Variants in MAN2A1 observed in about 807,000 individuals in gnomAD.
The protein encoded by MAN2A1 is mannosidase alpha class 2A member 1.
MAN2A1 carries 76 observed loss-of-function variants against 142.6 expected under a neutral mutation model. The ratio of observed to expected loss-of-function variants is 0.53; its 90% confidence interval spans 0.44 to 0.65. MAN2A1 has a LOEUF of 0.65. Ranked by LOEUF, MAN2A1 falls within the 30% of genes least tolerant of loss-of-function variation. The pLI is 0.00. For synonymous variants in MAN2A1, 559 were observed against 473.2 expected, an observed-to-expected ratio of 1.18 and a Z score of -2.35; for missense variants, 1,311 against 1,365.1, an observed-to-expected ratio of 0.96 and a Z score of 0.62.
intron 20 of MAN2A1, among the ~76,000 whole-genome samples, chr5:109,859,603 T>C (rs979347266): frequency 6.6e-6 from 1 of 152,198 alleles, no homozygotes; most frequent in Admixed American, 6.5e-5. Flanking sequence ...GAAGCTTCTG[T>C]AAAGGTTTGA....
chr5:109,749,224 G>T (rs190346122), intron 4 of MAN2A1, among the ~76,000 whole-genome samples: 1 of 152,120 alleles, frequency 6.6e-6, no homozygotes, highest in Non-Finnish European at 1.5e-5. Context: ...AGCTCTTTGA[G>T]TGTGTCCTTC....
chr5:109,852,431 G>A (rs901168840), intron 19 of MAN2A1, among the ~76,000 whole-genome samples: 3 of 152,042 alleles, frequency 2.0e-5, no homozygotes, highest in Admixed American at 6.6e-5. Flanking sequence ...ATAAACAAGG[G>A]TAACTTAAAA....
At chr5:109,857,233 C>T (rs1163176349) in intron 20 of MAN2A1, among the ~76,000 whole-genome samples, 1 of 152,148 alleles carries the variant, frequency 6.6e-6, no homozygotes, top group Non-Finnish European at 1.5e-5. Flanking sequence ...GCTATATCCC[C>T]GTGAAGAAGA....
intron 12 of MAN2A1, among the ~76,000 whole-genome samples, chr5:109,803,706 G>A (rs1469036177): frequency 6.6e-6 from 1 of 152,018 alleles, no homozygotes; most frequent in Non-Finnish European, 1.5e-5. Context: ...TGTAACTGAA[G>A]AAAAACTTTG....
At chr5:109,718,831 G>A (rs75518521) in intron 3 of MAN2A1, among the ~76,000 whole-genome samples, 2,812 of 152,128 alleles carry the variant, frequency 0.018, 34 homozygotes, top group Middle Eastern at 0.071. Flanking sequence ...ACTGGCACAT[G>A]GTACTGAGTC....
At chr5:109,825,565 G>T (rs1010219510) in intron 16 of MAN2A1, among the ~76,000 whole-genome samples, 39 of 152,312 alleles carry the variant, frequency 2.6e-4, no homozygotes, top group African/African-American at 9.4e-4. Context: ...GGCAGTTTGT[G>T]TAGACTAGAT....
intron 2 of MAN2A1, 31 bp downstream of exon 2, chr5:109,713,805 C>A (rs62377055): frequency 2.2e-6 from 3 of 1,385,212 alleles, no homozygotes; most frequent in East Asian, 5.9e-5. Flanking sequence ...TAATCACTGG[C>A]CTTTTTTTTT....
chr5:109,712,137 C>T (rs1484537011), intron 1 of MAN2A1, among the ~76,000 whole-genome samples: 2 of 150,390 alleles, frequency 1.3e-5, no homozygotes, highest in South Asian at 2.1e-4. Flanking sequence ...GCAGTCTCTT[C>T]GGACTTCTGC....
chr5:109,776,420 A>G (rs1753293423), intron 8 of MAN2A1, among the ~76,000 whole-genome samples: 1 of 152,138 alleles, frequency 6.6e-6, no homozygotes, highest in Non-Finnish European at 1.5e-5. Flanking sequence ...GATGATGCTC[A>G]TACATGAATA....
chr5:109,739,594 C>T (rs1406755209), intron 4 of MAN2A1, among the ~76,000 whole-genome samples: 1 of 152,098 alleles, frequency 6.6e-6, no homozygotes, highest in Non-Finnish European at 1.5e-5. Context: ...TATTGTTGTC[C>T]GTAAGTCCAA....
intron 13 of MAN2A1, among the ~76,000 whole-genome samples, chr5:109,819,325 ATGAGT>A (rs1754558253): frequency 6.6e-6 from 1 of 152,208 alleles, no homozygotes; most frequent in Non-Finnish European, 1.5e-5. Flanking sequence ...TAACCCAATC[ATGAGT>A]TGAGGAGCAT....
intron 12 of MAN2A1, among the ~76,000 whole-genome samples, chr5:109,792,572 G>A (rs1029565383): frequency 2.0e-5 from 3 of 152,058 alleles, no homozygotes; most frequent in African/African-American, 7.2e-5. Flanking sequence ...AAATGTTTTA[G>A]TAGACTATTG....
At chr5:109,789,112 G>A in intron 11 of MAN2A1, 64 bp downstream of exon 11, 1 of 808,910 alleles carries the variant, frequency 1.2e-6, no homozygotes, top group Non-Finnish European at 2.0e-6. Context: ...CATTAGCAAA[G>A]AGGATGAGAA....
chr5:109,866,217 G>A (rs1354053851), intron 21 of MAN2A1, among the ~76,000 whole-genome samples: 1 of 151,700 alleles, frequency 6.6e-6, no homozygotes, highest in South Asian at 2.1e-4. Flanking sequence ...ACTTGGTTCT[G>A]AGCATTCTGA....
At chr5:109,735,994 C>T (rs1032403810) in intron 4 of MAN2A1, among the ~76,000 whole-genome samples, 1 of 148,310 alleles carries the variant, frequency 6.7e-6, no homozygotes, top group African/African-American at 2.5e-5. Flanking sequence ...CTACCTCATC[C>T]AAAGGGGCTA....
chr5:109,789,419 A>G, intron 11 of MAN2A1, 41 bp from the exon 12 acceptor site: 1 of 1,151,794 alleles, frequency 8.7e-7, no homozygotes, highest in Admixed American at 2.1e-5. Context: ...GAGTCCATGG[A>G]GTGTTAAGTA....
intron 4 of MAN2A1, among the ~76,000 whole-genome samples, chr5:109,745,726 T>C (rs1359725345): frequency 1.3e-5 from 2 of 152,142 alleles, no homozygotes; most frequent in South Asian, 2.1e-4. Context: ...CAAGTGATAC[T>C]CTACCTCAGA....
chr5:109,816,448 T>C (rs1754464067), intron 12 of MAN2A1, among the ~76,000 whole-genome samples: 1 of 152,188 alleles, frequency 6.6e-6, no homozygotes, highest in African/African-American at 2.4e-5. Flanking sequence ...ATTTTTTTTT[T>C]CACCATTACT....
At chr5:109,709,213 A>G (rs1052313844) in intron 1 of MAN2A1, among the ~76,000 whole-genome samples, 5 of 152,226 alleles carry the variant, frequency 3.3e-5, no homozygotes, top group African/African-American at 1.2e-4. Flanking sequence ...TATAATAAAT[A>G]TTAAGTTCAA....
Sources: gnomAD v4.1 joint callset for allele counts (sites outside exome capture counted in the v4.1 genomes callset) on GRCh38, gnomAD v4.1.1 for gene constraint, MANE v1.5 for transcripts, NCBI Gene and HGNC (gene_info 2026-07-23, HGNC 2026-07-21) for gene names.